CYP2C8: variants seen among roughly 807,000 people sequenced by gnomAD.
The protein encoded by CYP2C8 is cytochrome P450 family 2 subfamily C member 8.
Under a neutral mutation model 41.3 loss-of-function variants are expected in CYP2C8, and 51 were observed. That is an observed-to-expected ratio of 1.24 (90% CI 0.99 to 1.56). The LOEUF (loss-of-function observed/expected upper bound fraction) is 1.56. Among genes scored for constraint, CYP2C8 ranks in the 40% most tolerant of loss-of-function variants. CYP2C8 has a pLI of 0.00. For synonymous variants in CYP2C8, 218 were observed against 205.8 expected (o/e 1.06, Z -0.51); for missense variants, 651 against 579.9 (o/e 1.12, Z -1.26).
At chr10:95,058,979 C>A (rs1163235581) in intron 4 of CYP2C8, among the ~76,000 whole-genome samples, 4 of 105,410 alleles carry the variant, frequency 3.8e-5, no homozygotes, top group Admixed American at 8.7e-5. Flanking sequence ...TGAACTCATC[C>A]TTTTTTATGG....
intron 7 of CYP2C8, among the ~76,000 whole-genome samples, chr10:95,041,976 T>C (rs2033011435): frequency 6.6e-6 from 1 of 152,130 alleles, no homozygotes. Flanking sequence ...TCATAACAAA[T>C]GTAGAGTATC....
At chr10:95,052,554 G>C (rs915793770) in intron 5 of CYP2C8, among the ~76,000 whole-genome samples, 10 of 151,648 alleles carry the variant, frequency 6.6e-5, no homozygotes, top group African/African-American at 1.7e-4. Flanking sequence ...CAAGAAAATA[G>C]CTGCAAACCA....
chr10:95,045,809 C>T lies in CYP2C8; in HGVS notation c.961+1G>A, dbSNP rs781632266. 1 of 1,613,854 alleles carries T rather than the reference C, an allele frequency of 6.2e-7. No individual in the cohort carries two copies. On this transcript the variant is annotated splice_donor_variant, in intron 6 of 8. Coordinates refer to ENST00000371270, the MANE Select transcript of CYP2C8 (RefSeq NM_000770.3). LOFTEE classifies it high-confidence loss of function. ...ACTTTGTTCATCATCTGTGGTCCTA[C>T]CTGTGACCTCTGGGTGCTTCAGCAG... is the stretch of plus-strand genomic sequence containing the variant.
chr10:95,037,401 CA>C, intron 8 of CYP2C8, 92 bp from the exon 9 acceptor site: 1 of 1,083,366 alleles, frequency 9.2e-7, no homozygotes, highest in East Asian at 2.5e-5. Context: ...ACAGAATATG[CA>C]GTAAATAATT....
chr10:95,069,287 A>G lies in CYP2C8; in HGVS notation c.116T>C (p.Ile39Thr), dbSNP rs1335011131. The G allele has an allele frequency of 6.2e-7, 1 of 1,613,954 alleles. No homozygotes were observed. Among genetic ancestry groups the G allele is most frequent in the African/African-American group, 1.3e-5 (1 of 74,922 alleles). Residue 39 changes from isoleucine (I) to threonine (T), a missense_variant, in exon 1 of 9, where the codon ATT becomes ACT. By Grantham distance (89) the Ile-to-Thr change is moderately conservative (BLOSUM62 -1). Coordinates refer to ENST00000371270, the MANE Select transcript of CYP2C8 (RefSeq NM_000770.3). Reference sequence around the variant, plus strand: ...AACATCTATCTGTAGCATATTTCCAATAATAGGAAGAGGAGTGGGGCCAGG... The same window carrying G: ...AACATCTATCTGTAGCATATTTCCAGTAATAGGAAGAGGAGTGGGGCCAGG... ...LPPGPTPLPIIGNMLQIDVKD... is the reference protein window; with the variant it reads ...LPPGPTPLPITGNMLQIDVKD...
chr10:95,065,867 TAA>T (rs918170067), intron 3 of CYP2C8, among the ~76,000 whole-genome samples: 42 of 152,270 alleles, frequency 2.8e-4, no homozygotes, highest in African/African-American at 9.6e-4. Context: ...AAGGAATCTC[TAA>T]AATGAAATTG....
At position 95,037,108 on chromosome 10, in the gene CYP2C8, GC is replaced by G; in HGVS notation, c.*19del. ...AGTTGCAGGTGATAGCAGATCGGCA[GC>G]CAGATGGGCTAGCATTCTTCAGACA... On this transcript the variant is annotated 3_prime_UTR_variant, in exon 9 of 9. Coordinates refer to ENST00000371270, the MANE Select transcript of CYP2C8 (RefSeq NM_000770.3). 1 of 1,612,396 alleles carries G rather than the reference GC, an allele frequency of 6.2e-7. No individual in the cohort carries two copies. The highest frequency in any genetic ancestry group is 1.1e-5 in the South Asian group (1 of 91,012).
At position 95,042,999 on chromosome 10, in the gene CYP2C8, T is replaced by C. The variant is rs2033034152; in HGVS notation, c.1040A>G (p.Tyr347Cys). 1 of 1,614,042 alleles carries C rather than the reference T, an allele frequency of 6.2e-7. No individual in the cohort carries two copies. The highest frequency in any genetic ancestry group is 8.5e-7 in the Non-Finnish European group (1 of 1,180,012). Residue 347 changes from tyrosine (Y) to cysteine (C), a missense_variant, in exon 7 of 9, where the codon TAC (tyrosine) becomes TGC (cysteine). Coordinates refer to ENST00000371270, the MANE Select transcript of CYP2C8 (RefSeq NM_000770.3). ...PCMQDRSHMPYTDAVVHEIQR... is the reference protein window; with the variant it reads ...PCMQDRSHMPCTDAVVHEIQR... The stretch of plus-strand genomic sequence containing the variant: ...GATCTCGTGCACTACAGCATCAGTG[T>C]AAGGCATGTGGCTCCTATCCTGCAT...
chr10:95,068,698 G>T, intron 1 of CYP2C8: 1 of 924,398 alleles, frequency 1.1e-6, no homozygotes, highest in Non-Finnish European at 1.5e-6. Flanking sequence ...ATAATACAAT[G>T]ACCCCAATGT....
At chr10:95,068,558 A>T (rs565032653) in intron 1 of CYP2C8, 1 of 1,272,720 alleles carries the variant, frequency 7.9e-7, no homozygotes, top group East Asian at 5.6e-5. Flanking sequence ...ACTATAGTAG[A>T]GAACTTATTG....
intron 1 of CYP2C8, chr10:95,068,504 GAGA>G: frequency 1.1e-6 from 1 of 914,584 alleles, no homozygotes; most frequent in South Asian, 1.4e-5. Flanking sequence ...TGAATCTTCA[GAGA>G]AGTTCAATTT....
At chr10:95,058,877 A>T (rs1233448564) in intron 4 of CYP2C8, among the ~76,000 whole-genome samples, 1 of 152,026 alleles carries the variant, frequency 6.6e-6, no homozygotes, top group Non-Finnish European at 1.5e-5. Context: ...CCCACCTATG[A>T]ATGAGAATAT....
At chr10:95,049,151 G>A (rs1231897837) in intron 5 of CYP2C8, among the ~76,000 whole-genome samples, 1 of 152,050 alleles carries the variant, frequency 6.6e-6, no homozygotes, top group Non-Finnish European at 1.5e-5. Context: ...TAGAAAGTGG[G>A]CAAACAACAT....
intron 5 of CYP2C8, among the ~76,000 whole-genome samples, chr10:95,049,867 G>C (rs11572132): frequency 0.032 from 4,358 of 136,932 alleles, 232 homozygotes; most frequent in African/African-American, 0.12. Flanking sequence ...CTTGAGGAGT[G>C]GGGGGCTTGA....
At chr10:95,066,743 G>GA (rs1224595551) in intron 3 of CYP2C8, among the ~76,000 whole-genome samples, 2 of 152,100 alleles carry the variant, frequency 1.3e-5, no homozygotes, top group Non-Finnish European at 2.9e-5. Context: ...ATGACCATAT[G>GA]AAAAAACTCG....
At chr10:95,040,148 GT>G (rs2078960956) in intron 7 of CYP2C8, among the ~76,000 whole-genome samples, 2 of 152,164 alleles carry the variant, frequency 1.3e-5, no homozygotes, top group African/African-American at 2.4e-5. Context: ...AATTTAGGCT[GT>G]ATTATTATTT....
At chr10:95,069,176 A>T in intron 1 of CYP2C8, 59 bp downstream of exon 1, 1 of 1,588,368 alleles carries the variant, frequency 6.3e-7, no homozygotes, top group Non-Finnish European at 8.6e-7. Context: ...TTTGTCTAAA[A>T]ATAGCAGTCA....
Sources: allele counts gnomAD v4.1 joint callset (sites outside exome capture counted in the v4.1 genomes callset), GRCh38; gene constraint gnomAD v4.1.1; transcripts MANE v1.5; gene names NCBI Gene and HGNC (gene_info 2026-07-23, HGNC 2026-07-21).